Variants in PTPRD observed in about 807,000 individuals in gnomAD.
The protein encoded by PTPRD is receptor-type tyrosine-protein phosphatase delta.
In PTPRD, 34 loss-of-function variants were observed where a neutral mutation model predicts 214.5. The observed-to-expected ratio is 0.16, with a 90% CI of 0.12 to 0.21. The LOEUF is 0.21. Ranked by LOEUF, PTPRD falls within the 10% of genes least tolerant of loss-of-function variation. The pLI, the probability that PTPRD is intolerant of heterozygous loss-of-function variation, is 1.00. For synonymous variants in PTPRD, 1,128 were observed against 845.7 expected (o/e 1.33, Z -5.79); for missense variants, 2,545 against 2,398.7 (o/e 1.06, Z -1.27).
chr9:8,360,693 A>G (rs1247602881), intron 39 of PTPRD, among the ~76,000 whole-genome samples: 1 of 152,206 alleles, frequency 6.6e-6, no homozygotes. Flanking sequence ...TGATTAGCCA[A>G]TTACACTTAG....
At chr9:9,341,366 G>A (rs992054945) in intron 9 of PTPRD, among the ~76,000 whole-genome samples, 2 of 152,024 alleles carry the variant, frequency 1.3e-5, no homozygotes, top group East Asian at 1.9e-4. Context: ...TTGCTCCAAC[G>A]TGAACTCATT....
At chr9:9,577,302 G>A (rs910611702) in intron 7 of PTPRD, among the ~76,000 whole-genome samples, 3 of 152,132 alleles carry the variant, frequency 2.0e-5, no homozygotes, top group African/African-American at 7.2e-5. Context: ...GGTGGCTAAT[G>A]TCTGTAACCT....
At chr9:9,768,495 T>A (rs114086998) in intron 5 of PTPRD, among the ~76,000 whole-genome samples, 2,093 of 152,272 alleles carry the variant, frequency 0.014, 62 homozygotes, top group African/African-American at 0.047. Context: ...TATGTTCAAA[T>A]TAATTGAGAA....
chr9:10,109,812 C>T (rs979651968), intron 3 of PTPRD, among the ~76,000 whole-genome samples: 3 of 151,948 alleles, frequency 2.0e-5, no homozygotes, highest in African/African-American at 7.3e-5. Flanking sequence ...AGAAAATGAA[C>T]TATCTGGTTA....
chr9:8,838,915 A>G (rs1207454476), intron 11 of PTPRD, among the ~76,000 whole-genome samples: 2 of 151,876 alleles, frequency 1.3e-5, no homozygotes, highest in East Asian at 3.9e-4. Context: ...AATAAGAGAG[A>G]AAAAAAACCA....
chr9:9,330,671 T>G (rs1461617801), intron 9 of PTPRD, among the ~76,000 whole-genome samples: 2 of 152,034 alleles, frequency 1.3e-5, no homozygotes, highest in African/African-American at 4.8e-5. Flanking sequence ...AGAGTTAATT[T>G]TGTCCTAGGA....
At chr9:8,604,286 ATC>A (rs934134986) in intron 14 of PTPRD, among the ~76,000 whole-genome samples, 1 of 152,202 alleles carries the variant, frequency 6.6e-6, no homozygotes, top group Non-Finnish European at 1.5e-5. Context: ...GGACCATTAG[ATC>A]TCAGAAAATA....
intron 35 of PTPRD, among the ~76,000 whole-genome samples, chr9:8,415,223 G>C (rs1051675300): frequency 2.0e-5 from 3 of 152,168 alleles, no homozygotes; most frequent in Non-Finnish European, 2.9e-5. Context: ...AGAAAGCAGA[G>C]AATGTGTTTC....
intron 9 of PTPRD, among the ~76,000 whole-genome samples, chr9:9,201,557 A>T (rs2099941860): frequency 6.6e-6 from 1 of 152,156 alleles, no homozygotes; most frequent in Non-Finnish European, 1.5e-5. Context: ...AGACTTGGTG[A>T]TTAAAAAAAA....
chr9:9,256,780 T>C (rs571222658), intron 9 of PTPRD, among the ~76,000 whole-genome samples: 1 of 151,940 alleles, frequency 6.6e-6, no homozygotes, highest in Non-Finnish European at 1.5e-5. Context: ...AAATCGACAA[T>C]CTTCTTGTCC....
chr9:9,064,625 T>C (rs1034249598), intron 10 of PTPRD, among the ~76,000 whole-genome samples: 1 of 152,162 alleles, frequency 6.6e-6, no homozygotes, highest in Non-Finnish European at 1.5e-5. Flanking sequence ...ACCAAATACA[T>C]TTCCATCGCT....
In PTPRD at chr9:9,181,249, A is replaced by G. The variant is rs573439262; in HGVS notation, c.-143+2055T>C. Among the ~76,000 whole-genome samples the G allele has an allele frequency of 2.0e-5, 3 of 152,048 alleles. No homozygotes were observed. The East Asian group carries it at 5.8e-4, about 29-fold the overall frequency. ...TTTTTACCTTAATTTCATTTTTGTA[A>G]TGAGGTGCAGCTGATTATGGTATCT... On this transcript the variant is annotated intron_variant, in intron 10 of 45. Coordinates refer to ENST00000381196, the MANE Select transcript of PTPRD (RefSeq NM_002839.4).
At chr9:8,597,183 A>G (rs2094521072) in intron 14 of PTPRD, among the ~76,000 whole-genome samples, 1 of 152,124 alleles carries the variant, frequency 6.6e-6, no homozygotes, top group Non-Finnish European at 1.5e-5. Context: ...CTGTTTTCCT[A>G]GATTTAACCC....
chr9:10,210,375 A>T (rs534503718), intron 3 of PTPRD, among the ~76,000 whole-genome samples: 2 of 152,296 alleles, frequency 1.3e-5, no homozygotes, highest in South Asian at 2.1e-4. Flanking sequence ...AGGCATTTTC[A>T]TAGGTATCCA....
chr9:9,805,304 T>A (rs1339817171), intron 5 of PTPRD, among the ~76,000 whole-genome samples: 1 of 152,130 alleles, frequency 6.6e-6, no homozygotes, highest in Non-Finnish European at 1.5e-5. Context: ...TGTACAATAA[T>A]GATTTCATTA....
In PTPRD at chr9:9,684,564, T is replaced by C. The variant is rs555502630; in HGVS notation, c.-287+49969A>G. Reference sequence around the variant, plus strand: ...GGTAATTGAGTAATAATATTAATACTTGGGAGGAGACTGAGTGGGTAGGCA... The same window carrying C: ...GGTAATTGAGTAATAATATTAATACCTGGGAGGAGACTGAGTGGGTAGGCA... On this transcript the variant is annotated intron_variant, in intron 7 of 45. Transcript: ENST00000381196. Among the ~76,000 whole-genome samples, 39 of 151,756 alleles carry C rather than the reference T, an allele frequency of 2.6e-4. No individual in the cohort carries two copies. The South Asian group carries it at 7.9e-3, about 31-fold the overall frequency.
intron 3 of PTPRD, among the ~76,000 whole-genome samples, chr9:10,178,115 G>C (rs1593253936): frequency 6.6e-6 from 1 of 151,878 alleles, no homozygotes; most frequent in African/African-American, 2.4e-5. Context: ...AGTAAGGACT[G>C]GTTGTCCACC....
intron 2 of PTPRD, among the ~76,000 whole-genome samples, chr9:10,481,669 C>T (rs139022478): frequency 6.6e-6 from 1 of 152,282 alleles, no homozygotes; most frequent in South Asian, 2.1e-4. Context: ...TGTAAATACT[C>T]AGCCCATAAT....
At chr9:9,336,757 T>G (rs912072297) in intron 9 of PTPRD, among the ~76,000 whole-genome samples, 1 of 152,182 alleles carries the variant, frequency 6.6e-6, no homozygotes, top group Non-Finnish European at 1.5e-5. Context: ...AGCTCACTTT[T>G]AAAACGCCCT....
Sources: gnomAD v4.1 joint callset for allele counts (sites outside exome capture counted in the v4.1 genomes callset) on GRCh38, gnomAD v4.1.1 for gene constraint, MANE v1.5 for transcripts, NCBI Gene and HGNC (gene_info 2026-07-23, HGNC 2026-07-21) for gene names.